MACROD2: variants seen among roughly 807,000 people sequenced by gnomAD.
MACROD2 encodes ADP-ribose glycohydrolase MACROD2.
A neutral mutation model predicts 70.4 loss-of-function variants in MACROD2; 36 were observed. The ratio of observed to expected loss-of-function variants is 0.51; its 90% CI spans 0.39 to 0.68. The LOEUF is 0.68. Among genes scored for constraint, MACROD2 ranks in the 30% least tolerant of loss-of-function variants. The pLI is 0.00. For synonymous variants in MACROD2, 172 were observed against 178.8 expected, an observed-to-expected ratio of 0.96 and a Z score of 0.30; for missense variants, 496 against 538.4, an observed-to-expected ratio of 0.92 and a Z score of 0.78.
chr20:15,786,687 C>T (rs1173660615), intron 8 of MACROD2, among the ~76,000 whole-genome samples: 1 of 152,098 alleles, frequency 6.6e-6, no homozygotes, highest in African/African-American at 2.4e-5. Context: ...GGACACAAGG[C>T]TGTGAAGTTC....
chr20:14,150,276 A>G (rs1432610203), intron 3 of MACROD2, among the ~76,000 whole-genome samples: 1 of 152,192 alleles, frequency 6.6e-6, no homozygotes, highest in Non-Finnish European at 1.5e-5. Flanking sequence ...AATTAAAAAT[A>G]GGGTTCTTAC....
At chr20:15,163,894 T>A (rs991979430) in intron 5 of MACROD2, among the ~76,000 whole-genome samples, 1 of 152,172 alleles carries the variant, frequency 6.6e-6, no homozygotes, top group Non-Finnish European at 1.5e-5. Flanking sequence ...AAACCCATTA[T>A]ATGCTGGGCA....
At chr20:15,767,202 T>C (rs1005301937) in intron 8 of MACROD2, among the ~76,000 whole-genome samples, 6 of 152,256 alleles carry the variant, frequency 3.9e-5, no homozygotes, top group African/African-American at 1.4e-4. Flanking sequence ...TTATGTTTTC[T>C]CTTTCGGTTT....
chr20:15,016,753 A>G (rs1165760869), intron 5 of MACROD2, among the ~76,000 whole-genome samples: 2 of 152,186 alleles, frequency 1.3e-5, no homozygotes, highest in Non-Finnish European at 2.9e-5. Context: ...GTGGGAGGCA[A>G]AACGCTTGTC....
At chr20:14,805,567 C>T (rs1339753883) in intron 5 of MACROD2, among the ~76,000 whole-genome samples, 2 of 151,924 alleles carry the variant, frequency 1.3e-5, no homozygotes, top group East Asian at 1.9e-4. Flanking sequence ...AAAAATTTAG[C>T]GAAGCTCTGA....
chr20:15,861,909 T>A (rs1024895042), intron 8 of MACROD2, among the ~76,000 whole-genome samples: 3 of 152,180 alleles, frequency 2.0e-5, no homozygotes, highest in Non-Finnish European at 2.9e-5. Context: ...GCTTTTCAAT[T>A]TTTTTATGTT....
chr20:15,441,538 T>C (rs112637553), intron 7 of MACROD2, among the ~76,000 whole-genome samples: 11 of 152,278 alleles, frequency 7.2e-5, no homozygotes, highest in African/African-American at 2.6e-4. Context: ...AATTAAAAGA[T>C]TAAGTGTTTC....
chr20:15,887,128 C>A lies in MACROD2; in HGVS notation c.775+1317C>A, dbSNP rs534779195. Among the ~76,000 whole-genome samples, 3 of 152,218 alleles carry A rather than the reference C, an allele frequency of 2.0e-5. No homozygotes were observed. The South Asian group carries it at 6.2e-4, about 32-fold the overall frequency. On this transcript the variant is annotated intron_variant, in intron 10 of 17. Coordinates refer to ENST00000684519, the MANE Select transcript of MACROD2 (RefSeq NM_001351661.2). ...CCATCAGCAGGGAGCTCTTTAAATTCTGATGCATTTGATCTCAATACATAA... is the reference window on the plus strand; with the variant it reads ...CCATCAGCAGGGAGCTCTTTAAATTATGATGCATTTGATCTCAATACATAA...
chr20:15,568,422 C>G (rs1025454229), intron 8 of MACROD2, among the ~76,000 whole-genome samples: 5 of 152,140 alleles, frequency 3.3e-5, no homozygotes, highest in African/African-American at 1.2e-4. Context: ...AGACTTTATC[C>G]CTTGCTCTTA....
chr20:15,571,257 A>G (rs1039964127), intron 8 of MACROD2, among the ~76,000 whole-genome samples: 1 of 152,180 alleles, frequency 6.6e-6, no homozygotes, highest in Non-Finnish European at 1.5e-5. Context: ...AATGGTTATA[A>G]TCTCTGGATT....
At chr20:15,315,173 G>A (rs1366321662) in intron 6 of MACROD2, among the ~76,000 whole-genome samples, 1 of 152,132 alleles carries the variant, frequency 6.6e-6, no homozygotes. Context: ...CCTGTAATAT[G>A]TATGTATATG....
intron 3 of MACROD2, among the ~76,000 whole-genome samples, chr20:14,411,346 T>G (rs1011290297): frequency 6.6e-5 from 10 of 152,100 alleles, no homozygotes; most frequent in Non-Finnish European, 1.0e-4. Flanking sequence ...GTCACCGGCA[T>G]GCTTTCACTC....
rs73111732 is a variant in MACROD2 at position 16,027,495 on chromosome 20, G to A, written c.1154-13706G>A. On this transcript the variant is annotated intron_variant, in intron 15 of 17. Coordinates refer to ENST00000684519, the MANE Select transcript of MACROD2 (RefSeq NM_001351661.2). ...AAGAGCTAGATACATAATCATGCAGGATTTCAACCCTCGCCATCAGAGATG... is the reference window on the plus strand; with the variant it reads ...AAGAGCTAGATACATAATCATGCAGAATTTCAACCCTCGCCATCAGAGATG... Among the ~76,000 whole-genome samples, 143 of 152,304 alleles carry A rather than the reference G, an allele frequency of 9.4e-4. 1 individual carries two copies. Among genetic ancestry groups the A allele is most frequent in the Middle Eastern group, 3.4e-3 (1 of 294 alleles).
intron 1 of MACROD2, among the ~76,000 whole-genome samples, chr20:13,997,657 T>C (rs1187854690): frequency 1.3e-5 from 2 of 152,182 alleles, no homozygotes; most frequent in Non-Finnish European, 1.5e-5. Context: ...TAATGGAGAA[T>C]ATATAACCAA....
intron 5 of MACROD2, among the ~76,000 whole-genome samples, chr20:14,873,083 T>G (rs1221469747): frequency 1.3e-5 from 2 of 152,106 alleles, no homozygotes; most frequent in East Asian, 1.9e-4. Flanking sequence ...CAAGATGAGA[T>G]TTAGGTGGGA....
At chr20:15,596,585 T>C (rs1172384497) in intron 8 of MACROD2, among the ~76,000 whole-genome samples, 1 of 152,230 alleles carries the variant, frequency 6.6e-6, no homozygotes, top group African/African-American at 2.4e-5. Flanking sequence ...TAATTTAAAT[T>C]ATAAGTACTC....
intron 3 of MACROD2, among the ~76,000 whole-genome samples, chr20:14,414,772 T>A (rs2083785628): frequency 6.6e-6 from 1 of 152,144 alleles, no homozygotes; most frequent in African/African-American, 2.4e-5. Context: ...TGCTTTTCCC[T>A]CTGCTGGGAA....
intron 8 of MACROD2, among the ~76,000 whole-genome samples, chr20:15,500,308 C>T (rs1292766058): frequency 6.6e-6 from 1 of 152,086 alleles, no homozygotes; most frequent in Non-Finnish European, 1.5e-5. Flanking sequence ...TTGAAGTGGG[C>T]TTGTATAATT....
rs183987643 is a variant in MACROD2 at position 14,330,987 on chromosome 20, T to C, written c.272-162492T>C. Among the ~76,000 whole-genome samples, 160 of 152,212 alleles carry C rather than the reference T, an allele frequency of 1.1e-3. 1 individual carries two copies. The highest frequency in any genetic ancestry group is 3.7e-3 in the African/African-American group (155 of 41,552). On this transcript the variant is annotated intron_variant, in intron 3 of 17. Coordinates refer to ENST00000684519, the MANE Select transcript of MACROD2 (RefSeq NM_001351661.2). ...TTAGAAAACAATTGCTTATGTTAAA[T>C]TGCATTAGAAACTAATTAAAAACCA...
Sources: gnomAD v4.1 joint callset for allele counts (sites outside exome capture counted in the v4.1 genomes callset) on GRCh38, gnomAD v4.1.1 for gene constraint, MANE v1.5 for transcripts, NCBI Gene and HGNC (gene_info 2026-07-23, HGNC 2026-07-21) for gene names.